The following CPB2 variants were observed in gnomAD, a reference collection of about 807,000 sequenced individuals.
CPB2 encodes carboxypeptidase B2.
In CPB2, 54 loss-of-function variants were observed where a neutral mutation model predicts 57.0. The ratio of observed to expected loss-of-function variants is 0.95; its 90% CI spans 0.76 to 1.19. CPB2 has a LOEUF of 1.19. Among genes scored for constraint, CPB2 ranks in the 50% most tolerant of loss-of-function variants. CPB2 has a pLI of 0.00. For missense variants in CPB2, 426 were observed against 512.0 expected, an observed-to-expected ratio of 0.83 and a Z score of 1.62; for synonymous variants, 189 against 178.1, an observed-to-expected ratio of 1.06 and a Z score of -0.49.
intron 4 of CPB2, among the ~76,000 whole-genome samples, chr13:46,079,535 C>CAA (rs58164990): frequency 1.8e-5 from 2 of 110,986 alleles, no homozygotes; most frequent in African/African-American, 3.4e-5. Context: ...AAGGAAAAAG[C>CAA]AAAAAAAAAA....
At chr13:46,095,372 C>T (rs1404682260) in intron 1 of CPB2, among the ~76,000 whole-genome samples, 1 of 151,950 alleles carries the variant, frequency 6.6e-6, no homozygotes, top group African/African-American at 2.4e-5. Context: ...TCAGTACCAC[C>T]CTTAAAGACC....
At chr13:46,087,722 A>G (rs777358108) in intron 2 of CPB2, 23 bp downstream of exon 2, 49 of 1,530,428 alleles carry the variant, frequency 3.2e-5, no homozygotes, top group Admixed American at 5.2e-5. Flanking sequence ...AACCAATATA[A>G]ACATAAATTA....
chr13:46,089,201 A>G (rs963445033), intron 1 of CPB2, among the ~76,000 whole-genome samples: 2 of 151,692 alleles, frequency 1.3e-5, no homozygotes, highest in Non-Finnish European at 2.9e-5. Context: ...TACATCATCT[A>G]TATTTTTCCC....
At chr13:46,090,258 G>A (rs919652566) in intron 1 of CPB2, among the ~76,000 whole-genome samples, 5 of 150,910 alleles carry the variant, frequency 3.3e-5, no homozygotes, top group Non-Finnish European at 7.4e-5. Context: ...ATTTTCATTA[G>A]AATTATATTG....
At chr13:46,061,109 AATAG>A (rs922295966) in intron 8 of CPB2, among the ~76,000 whole-genome samples, 19 of 152,120 alleles carry the variant, frequency 1.2e-4, no homozygotes, top group East Asian at 5.8e-4. Flanking sequence ...AAATTTTAGT[AATAG>A]ATAGTAGTAA....
chr13:46,067,187 G>GT, intron 7 of CPB2, 120 bp downstream of exon 7: 1 of 435,992 alleles, frequency 2.3e-6, no homozygotes, highest in South Asian at 3.4e-5. Flanking sequence ...CACAATAAAA[G>GT]TTAAAAAAAA....
rs939542228 is a variant in CPB2, at chr13:46,068,880, A to C, written c.592-1463T>G. On this transcript the variant is annotated intron_variant, in intron 6 of 10. Transcript: ENST00000181383. ...AATAGTCGAGCAACCAGTTAAATACATTTTTATGTTACGAATTTATAAATT... is the reference window on the plus strand; with the variant it reads ...AATAGTCGAGCAACCAGTTAAATACCTTTTTATGTTACGAATTTATAAATT... Among the ~76,000 whole-genome samples, 7 of 152,314 alleles carry C rather than the reference A, an allele frequency of 4.6e-5. No homozygotes were observed. In the East Asian group the frequency reaches 1.4e-3, roughly 29 times the overall value.
chr13:46,091,679 T>C (rs9567621), intron 1 of CPB2, among the ~76,000 whole-genome samples: 117,114 of 152,188 alleles, frequency 0.77, 45,273 homozygotes, highest in East Asian at 0.81. Context: ...GTTTTCTCAC[T>C]TTTGCTTTGT....
intron 1 of CPB2, 60 bp downstream of exon 1, chr13:46,104,876 G>A (rs780123530): frequency 3.8e-6 from 6 of 1,599,660 alleles, no homozygotes; most frequent in African/African-American, 1.3e-5. Context: ...GACTTGACAC[G>A]ACATGAGGCA....
chr13:46,104,534 C>T (rs912824000), intron 1 of CPB2, among the ~76,000 whole-genome samples: 16 of 152,228 alleles, frequency 1.1e-4, no homozygotes, highest in African/African-American at 3.9e-4. Flanking sequence ...TCACCCTCTT[C>T]TTCCTCCTAT....
At chr13:46,075,368 G>A (rs2139378696) in intron 5 of CPB2, among the ~76,000 whole-genome samples, 1 of 152,300 alleles carries the variant, frequency 6.6e-6, no homozygotes, top group East Asian at 1.9e-4. Context: ...CTTGGCACTG[G>A]TTCTGACACC....
intron 2 of CPB2, among the ~76,000 whole-genome samples, chr13:46,086,077 G>A (rs534395963): frequency 6.6e-6 from 1 of 152,274 alleles, no homozygotes; most frequent in Admixed American, 6.5e-5. Flanking sequence ...CAGCTTCAAT[G>A]GCTGGCACCG....
intron 6 of CPB2, among the ~76,000 whole-genome samples, chr13:46,070,185 T>C (rs561918184): frequency 3.3e-5 from 5 of 152,208 alleles, no homozygotes; most frequent in Non-Finnish European, 7.3e-5. Context: ...TAAATTAGGC[T>C]CTGTGTTAGA....
chr13:46,082,479 A>G lies in CPB2; in HGVS notation c.346T>C (p.Ser116Pro). Residue 116 changes from serine (S) to proline (P), a missense_variant, in exon 4 of 11, where the codon TCC becomes CCC. Physicochemically the swap from Ser to Pro is moderately conservative, Grantham distance 74. Transcript: ENST00000181383. ...ISNDTVSPRA[S>P]ASYYEQYHSL... is the part of the protein sequence containing the mutation. ...TGATACTGTTCATAGTACGATGCGG[A>G]GGCTCGGGGGCTGACTGTGTCGTTG... is the stretch of plus-strand genomic sequence containing the variant. 1 of 1,613,572 alleles carries G rather than the reference A, an allele frequency of 6.2e-7. No homozygotes were observed. The highest frequency in any genetic ancestry group is 1.1e-5 in the South Asian group (1 of 91,008).
rs1280108482 is a variant in CPB2, at chr13:46,082,569, G to A, written c.276-20C>T. The A allele has an allele frequency of 5.9e-6, 9 of 1,530,242 alleles. No individual in the cohort carries two copies. The highest frequency in any genetic ancestry group is 1.7e-5 in the Admixed American group (1 of 59,804). 94.8% of individuals were successfully genotyped at this position (1,530,242 alleles called of 1,614,324 possible). Reference sequence around the variant, plus strand: ...AAGACACTAGGTGATGAAACAGAGAGTGAGCTAGTTTCCAAGCAGAGGGTG... The same window carrying A: ...AAGACACTAGGTGATGAAACAGAGAATGAGCTAGTTTCCAAGCAGAGGGTG... On this transcript the variant is annotated intron_variant, in intron 3 of 10. Transcript: ENST00000181383.
chr13:46,068,336 T>C (rs1482642412), intron 6 of CPB2, among the ~76,000 whole-genome samples: 1 of 152,168 alleles, frequency 6.6e-6, no homozygotes, highest in Non-Finnish European at 1.5e-5. Context: ...TATTTTCCCT[T>C]TAAACGTTTA....
chr13:46,078,725 A>C, intron 5 of CPB2, 75 bp downstream of exon 5: 1 of 980,388 alleles, frequency 1.0e-6, no homozygotes, highest in East Asian at 2.4e-5. Context: ...AACAAACTCA[A>C]GTTTTAACAA....
At chr13:46,063,862 TTTTTATA>T (rs1465714323) in intron 8 of CPB2, among the ~76,000 whole-genome samples, 1 of 151,586 alleles carries the variant, frequency 6.6e-6, no homozygotes, top group East Asian at 1.9e-4. Flanking sequence ...ATTTTTAATA[TTTTTATA>T]TTTTCTTTAT....
chr13:46,091,247 A>G (rs899752455), intron 1 of CPB2, among the ~76,000 whole-genome samples: 2 of 152,112 alleles, frequency 1.3e-5, no homozygotes, highest in Non-Finnish European at 2.9e-5. Context: ...TGCACACACT[A>G]TTAGGTTGGT....
Sources: allele counts gnomAD v4.1 joint callset (sites outside exome capture counted in the v4.1 genomes callset), GRCh38; gene constraint gnomAD v4.1.1; transcripts MANE v1.5; gene names NCBI Gene and HGNC (gene_info 2026-07-23, HGNC 2026-07-21).